The following KCTD16 variants were observed in gnomAD, a reference collection of about 807,000 sequenced individuals.
The protein encoded by KCTD16 is BTB/POZ domain-containing protein KCTD16.
Under a neutral mutation model 33.2 loss-of-function variants are expected in KCTD16, and 13 were observed. The observed-to-expected ratio is 0.39, with a 90% confidence interval of 0.25 to 0.62. The LOEUF (loss-of-function observed/expected upper bound fraction) is 0.62, where lower values mean the gene tolerates loss of function less well. Among genes scored for constraint, KCTD16 ranks in the 20% least tolerant of loss-of-function variants. KCTD16 has a pLI of 0.50. For missense variants in KCTD16, 441 were observed against 525.1 expected, an observed-to-expected ratio of 0.84 and a Z score of 1.57; for synonymous variants, 197 against 195.3, an observed-to-expected ratio of 1.01 and a Z score of -0.07.
chr5:144,186,362 A>G (rs12517854), intron 2 of KCTD16, among the ~76,000 whole-genome samples: 8 of 95,750 alleles, frequency 8.4e-5, no homozygotes, highest in Middle Eastern at 4.6e-3. Context: ...TAAAAAAAAA[A>G]AGAAAAAAAA....
At chr5:144,228,685 A>G (rs935931931) in intron 3 of KCTD16, among the ~76,000 whole-genome samples, 14 of 152,222 alleles carry the variant, frequency 9.2e-5, no homozygotes, top group South Asian at 2.1e-4. Context: ...AAAGTCAACA[A>G]TTCAGGAGAT....
intron 3 of KCTD16, among the ~76,000 whole-genome samples, chr5:144,279,250 G>A (rs1331597872): frequency 6.6e-6 from 1 of 152,114 alleles, no homozygotes; most frequent in Non-Finnish European, 1.5e-5. Context: ...TATGAATAGA[G>A]ACAGTTTTAT....
intron 2 of KCTD16, among the ~76,000 whole-genome samples, chr5:144,196,212 A>G (rs1000684665): frequency 2.6e-5 from 4 of 152,114 alleles, no homozygotes; most frequent in African/African-American, 9.7e-5. Flanking sequence ...GAAGGACTCT[A>G]TGTCGGCTCT....
At chr5:144,202,766 GTT>G (rs1753073457) in intron 2 of KCTD16, among the ~76,000 whole-genome samples, 1 of 152,214 alleles carries the variant, frequency 6.6e-6, no homozygotes, top group Non-Finnish European at 1.5e-5. Flanking sequence ...TATTTACAGT[GTT>G]TATGAAAAAT....
At position 144,309,306 on chromosome 5, in the gene KCTD16, T is replaced by C. The variant is rs532354033; in HGVS notation, c.832+101760T>C. On this transcript the variant is annotated intron_variant, in intron 3 of 3. Coordinates refer to ENST00000512467, the MANE Select transcript of KCTD16 (RefSeq NM_020768.4). ...ATGTCCTACGACTCCAGGAGGAAGA[T>C]AACTACTCAGAGTAACATTTTCTTG... 1.6e-4 allele frequency among the ~76,000 whole-genome samples: 25 copies of C among 152,124 alleles called. No homozygotes were observed. In the East Asian group the frequency reaches 2.5e-3, roughly 15 times the overall value.
chr5:144,390,566 T>C (rs1752426188), intron 3 of KCTD16, among the ~76,000 whole-genome samples: 1 of 152,084 alleles, frequency 6.6e-6, no homozygotes. Flanking sequence ...CTGGGATACA[T>C]GTGCAGAACA....
rs552637790 is a variant in KCTD16 at position 144,266,068 on chromosome 5, C to T, written c.832+58522C>T. Among the ~76,000 whole-genome samples the T allele has an allele frequency of 4.6e-5, 7 of 152,016 alleles. 1 individual carries two copies. The South Asian group carries it at 6.2e-4, about 14-fold the overall frequency. On this transcript the variant is annotated intron_variant, in intron 3 of 3. Coordinates refer to ENST00000512467, the MANE Select transcript of KCTD16 (RefSeq NM_020768.4). Reference sequence around the variant, plus strand: ...GAATCCAGATGTGTTTCTGGAATTGCGAAAACAGATTTTCCCAGTGTGTTG... The same window carrying T: ...GAATCCAGATGTGTTTCTGGAATTGTGAAAACAGATTTTCCCAGTGTGTTG...
At chr5:144,190,883 T>G (rs545399375) in intron 2 of KCTD16, among the ~76,000 whole-genome samples, 1 of 152,320 alleles carries the variant, frequency 6.6e-6, no homozygotes, top group South Asian at 2.1e-4. Flanking sequence ...TGGAACATAC[T>G]AAACAAACAT....
At chr5:144,315,288 G>A (rs1422245349) in intron 3 of KCTD16, among the ~76,000 whole-genome samples, 1 of 152,002 alleles carries the variant, frequency 6.6e-6, no homozygotes, top group Admixed American at 6.6e-5. Flanking sequence ...ACAATCCAAC[G>A]GTGTATAAAC....
chr5:144,237,351 G>T lies in KCTD16; in HGVS notation c.832+29805G>T, dbSNP rs77578943. 8.9e-3 allele frequency among the ~76,000 whole-genome samples: 1,347 copies of T among 152,112 alleles called. 18 individuals are homozygous for T. The highest frequency in any genetic ancestry group is 0.03 in the African/African-American group (1,262 of 41,516). ...ATCATAATTATAATTTGGCATATTG[G>T]TACATATTAAAGTTGAGCAGATGGT... On this transcript the variant is annotated intron_variant, in intron 3 of 3. Coordinates refer to ENST00000512467, the MANE Select transcript of KCTD16 (RefSeq NM_020768.4).
intron 3 of KCTD16, among the ~76,000 whole-genome samples, chr5:144,468,153 G>T (rs980567888): frequency 2.6e-5 from 4 of 152,032 alleles, no homozygotes; most frequent in Non-Finnish European, 5.9e-5. Context: ...CAGATGTCTG[G>T]GTCCAACCTC....
intron 3 of KCTD16, among the ~76,000 whole-genome samples, chr5:144,405,643 G>C (rs757212338): frequency 6.6e-6 from 1 of 152,182 alleles, no homozygotes; most frequent in Non-Finnish European, 1.5e-5. Flanking sequence ...CAGCTCACCA[G>C]ATAGCTCTGA....
chr5:144,252,798 A>C (rs1196596917), intron 3 of KCTD16, among the ~76,000 whole-genome samples: 1 of 151,520 alleles, frequency 6.6e-6, no homozygotes, highest in Non-Finnish European at 1.5e-5. Flanking sequence ...GGAAAGTTTC[A>C]TCTCTCTCTA....
intron 3 of KCTD16, among the ~76,000 whole-genome samples, chr5:144,275,927 G>T (rs1208919483): frequency 6.6e-6 from 1 of 152,150 alleles, no homozygotes; most frequent in Non-Finnish European, 1.5e-5. Context: ...TCTTGACAAG[G>T]TTGGGTATTC....
chr5:144,204,857 G>A (rs965303333), intron 2 of KCTD16, among the ~76,000 whole-genome samples: 21 of 152,070 alleles, frequency 1.4e-4, no homozygotes, highest in African/African-American at 4.8e-4. Flanking sequence ...GAATTTGAGT[G>A]AATATGGTTT....
intron 3 of KCTD16, among the ~76,000 whole-genome samples, chr5:144,411,204 C>G (rs1241494085): frequency 1.3e-5 from 2 of 152,046 alleles, no homozygotes; most frequent in East Asian, 1.9e-4. Context: ...TATATGGAAC[C>G]ACAAAAGTCC....
intron 3 of KCTD16, among the ~76,000 whole-genome samples, chr5:144,341,000 G>A (rs765135342): frequency 6.6e-6 from 1 of 152,052 alleles, no homozygotes; most frequent in South Asian, 2.1e-4. Flanking sequence ...AGCCGAGATT[G>A]TGGCATTGCA....
chr5:144,396,199 G>A (rs1017846837), intron 3 of KCTD16, among the ~76,000 whole-genome samples: 6 of 152,128 alleles, frequency 3.9e-5, no homozygotes, highest in African/African-American at 1.4e-4. Flanking sequence ...TCCTTGAAGA[G>A]CACTTCTGTC....
chr5:144,436,016 G>A (rs1417345494), intron 3 of KCTD16, among the ~76,000 whole-genome samples: 1 of 152,164 alleles, frequency 6.6e-6, no homozygotes, highest in Non-Finnish European at 1.5e-5. Flanking sequence ...CCACACCAAA[G>A]GGGTAAAGAA....
Sources: gnomAD v4.1 joint callset for allele counts (sites outside exome capture counted in the v4.1 genomes callset) on GRCh38, gnomAD v4.1.1 for gene constraint, MANE v1.5 for transcripts, NCBI Gene and HGNC (gene_info 2026-07-23, HGNC 2026-07-21) for gene names.